The following TTC6 variants were observed in gnomAD, a reference collection of about 807,000 sequenced individuals.
TTC6 encodes tetratricopeptide repeat domain 6.
TTC6 carries 172 observed loss-of-function variants against 210.4 expected under a neutral mutation model. That is an observed-to-expected ratio of 0.82 (90% confidence interval 0.72 to 0.93). The LOEUF (loss-of-function observed/expected upper bound fraction) is 0.93. Ranked by LOEUF, TTC6 falls within the 40% of genes least tolerant of loss-of-function variation. The probability of loss-of-function intolerance (pLI) is 0.00; values close to 1 mark genes in which losing one functional copy is unlikely to be tolerated. For synonymous variants in TTC6, 804 were observed against 819.6 expected (o/e 0.98, Z 0.32); for missense variants, 2,414 against 2,318.1 (o/e 1.04, Z -0.85).
At chr14:37,632,663 G>C (rs1362179890) in intron 1 of TTC6, among the ~76,000 whole-genome samples, 1 of 152,218 alleles carries the variant, frequency 6.6e-6, no homozygotes, top group Non-Finnish European at 1.5e-5. Flanking sequence ...GAGATCTGCT[G>C]CTCTCTTCAG....
At chr14:37,698,736 A>T (rs997915537) in intron 4 of TTC6, among the ~76,000 whole-genome samples, 3 of 152,176 alleles carry the variant, frequency 2.0e-5, no homozygotes, top group Non-Finnish European at 4.4e-5. Flanking sequence ...TAGTGTCCAT[A>T]TGGGGCCTGG....
chr14:37,662,955 T>C (rs1048390684), intron 1 of TTC6, among the ~76,000 whole-genome samples: 1 of 152,220 alleles, frequency 6.6e-6, no homozygotes, highest in African/African-American at 2.4e-5. Context: ...AGTCATACCA[T>C]TGAATCTGCA....
At chr14:37,783,833 T>G (rs2096061321) in intron 14 of TTC6, among the ~76,000 whole-genome samples, 1 of 152,208 alleles carries the variant, frequency 6.6e-6, no homozygotes, top group South Asian at 2.1e-4. Flanking sequence ...ATTTTGTGTC[T>G]TTGTTCTCAC....
At chr14:37,607,321 T>A (rs777557929) in intron 2 of TTC6, among the ~76,000 whole-genome samples, 23 of 152,182 alleles carry the variant, frequency 1.5e-4, no homozygotes, top group Non-Finnish European at 3.1e-4. Flanking sequence ...GCATCTTTGG[T>A]TCCTCATCTC....
intron 3 of TTC6, among the ~76,000 whole-genome samples, chr14:37,686,407 G>A (rs1018779044): frequency 2.0e-5 from 3 of 152,164 alleles, no homozygotes; most frequent in Middle Eastern, 6.3e-3. Flanking sequence ...TTGTCGTCAG[G>A]TGGACTACTA....
chr14:37,832,275 T>TC (rs1197560192), intron 29 of TTC6, among the ~76,000 whole-genome samples: 2 of 151,370 alleles, frequency 1.3e-5, no homozygotes, highest in Non-Finnish European at 2.9e-5. Flanking sequence ...ATGTTTTGTA[T>TC]TTTTTAAGTC....
intron 2 of TTC6, among the ~76,000 whole-genome samples, chr14:37,607,408 A>C (rs1336984531): frequency 6.6e-6 from 1 of 152,156 alleles, no homozygotes; most frequent in Non-Finnish European, 1.5e-5. Flanking sequence ...GTGCTAAACC[A>C]GTGACATTAT....
At chr14:37,736,494 G>A (rs531724385) in intron 8 of TTC6, among the ~76,000 whole-genome samples, 27 of 152,206 alleles carry the variant, frequency 1.8e-4, no homozygotes, top group African/African-American at 6.3e-4. Flanking sequence ...TCAATAGCAG[G>A]ATATTTGTTG....
At chr14:37,809,308 A>G (rs1416432200) in intron 24 of TTC6, among the ~76,000 whole-genome samples, 2 of 135,472 alleles carry the variant, frequency 1.5e-5, no homozygotes, top group Non-Finnish European at 3.0e-5. Flanking sequence ...GCTGGAGCGC[A>G]GTGGCGTGAT....
At chr14:37,671,254 A>G (rs1285930397) in intron 1 of TTC6, among the ~76,000 whole-genome samples, 1 of 152,132 alleles carries the variant, frequency 6.6e-6, no homozygotes, top group Non-Finnish European at 1.5e-5. Flanking sequence ...CACATGGCAG[A>G]TGGCTTCCCC....
chr14:37,773,489 C>G (rs191030931), intron 14 of TTC6, among the ~76,000 whole-genome samples: 1 of 152,156 alleles, frequency 6.6e-6, no homozygotes, highest in Non-Finnish European at 1.5e-5. Flanking sequence ...AGCCAGTCAT[C>G]CCAGCACCAT....
chr14:37,621,511 A>G (rs781144171), upstream of TTC6, among the ~76,000 whole-genome samples: 2 of 152,186 alleles, frequency 1.3e-5, no homozygotes, highest in Admixed American at 6.5e-5. Context: ...CAGGAGGCTT[A>G]GGTGGGAGGA....
chr14:37,638,240 G>A (rs184752471), intron 1 of TTC6, among the ~76,000 whole-genome samples: 1 of 152,134 alleles, frequency 6.6e-6, no homozygotes, highest in Non-Finnish European at 1.5e-5. Context: ...TTTATATAAT[G>A]TTCTTTCTTT....
chr14:37,627,807 C>T (rs2095662913), intron 1 of TTC6, among the ~76,000 whole-genome samples: 1 of 152,020 alleles, frequency 6.6e-6, no homozygotes, highest in Non-Finnish European at 1.5e-5. Context: ...GGGGTATATA[C>T]CCAGTAATGG....
intron 20 of TTC6, among the ~76,000 whole-genome samples, chr14:37,798,155 A>T (rs571345899): frequency 6.6e-6 from 1 of 152,210 alleles, no homozygotes; most frequent in Admixed American, 6.5e-5. Flanking sequence ...TGCCATATAC[A>T]TGTTAAATTT....
intron 1 of TTC6, among the ~76,000 whole-genome samples, chr14:37,639,269 A>G (rs1327902997): frequency 6.6e-6 from 1 of 152,192 alleles, no homozygotes; most frequent in Non-Finnish European, 1.5e-5. Flanking sequence ...CTGGGCAGAG[A>G]AAAGCAATCT....
At chr14:37,693,079 T>C (rs2095807373) in intron 3 of TTC6, among the ~76,000 whole-genome samples, 1 of 151,998 alleles carries the variant, frequency 6.6e-6, no homozygotes, top group Admixed American at 6.6e-5. Flanking sequence ...ATAAAAGGCA[T>C]CCAAATTGGA....
At chr14:37,673,694 A>C (rs75900644) in intron 1 of TTC6, among the ~76,000 whole-genome samples, 5 of 152,138 alleles carry the variant, frequency 3.3e-5, no homozygotes, top group Non-Finnish European at 7.4e-5. Flanking sequence ...TTTGAATACT[A>C]AACAGCACCC....
intron 4 of TTC6, 64 bp from the exon 7 acceptor site, chr14:37,701,268 A>G: frequency 3.4e-6 from 4 of 1,164,610 alleles, no homozygotes; most frequent in Admixed American, 3.6e-5. Flanking sequence ...GTCAGTATAA[A>G]TGTACTTTAT....
Sources: allele counts gnomAD v4.1 joint callset (sites outside exome capture counted in the v4.1 genomes callset), GRCh38; gene constraint gnomAD v4.1.1; transcripts MANE v1.5; gene names NCBI Gene and HGNC (gene_info 2026-07-23, HGNC 2026-07-21).